The following PDE1C variants were observed in gnomAD, a reference collection of about 807,000 sequenced individuals.
PDE1C encodes the protein phosphodiesterase 1C.
PDE1C carries 62 observed loss-of-function variants against 93.1 expected under a neutral mutation model. The observed-to-expected ratio is 0.67, with a 90% CI of 0.54 to 0.82. The LOEUF is 0.82. Among genes scored for constraint, PDE1C ranks in the 40% least tolerant of loss-of-function variants. The pLI, the probability that PDE1C is intolerant of heterozygous loss-of-function variation, is 0.00. For synonymous variants in PDE1C, 325 were observed against 310.1 expected, an observed-to-expected ratio of 1.05 and a Z score of -0.50; for missense variants, 742 against 884.6, an observed-to-expected ratio of 0.84 and a Z score of 2.04.
At chr7:32,114,044 G>A (rs755951605) in intron 3 of PDE1C, among the ~76,000 whole-genome samples, 14 of 152,194 alleles carry the variant, frequency 9.2e-5, no homozygotes, top group Admixed American at 2.6e-4. Context: ...CGTGAAAATG[G>A]CCATACTATC....
rs149776948 is a variant in PDE1C, at chr7:32,242,488, C to T, written c.86-32949G>A. On this transcript the variant is annotated intron_variant, in intron 1 of 18. Coordinates refer to the PDE1C transcript ENST00000396193. ...GCAAGATCATTCGAGGTGAGGAAGT[C>T]GGTTAATGAAAAGAGAAGGGTATTG... Among the ~76,000 whole-genome samples the T allele has an allele frequency of 1.2e-3, 181 of 152,188 alleles. 1 individual carries two copies. In the Middle Eastern group the frequency reaches 0.017, roughly 14 times the overall value.
chr7:31,955,901 C>A (rs1185146096), intron 2 of PDE1C, among the ~76,000 whole-genome samples: 1 of 152,222 alleles, frequency 6.6e-6, no homozygotes, highest in East Asian at 1.9e-4. Flanking sequence ...AGAGGCAACA[C>A]AGCTTATGCT....
In PDE1C at chr7:32,350,591, T is replaced by A. The variant is rs1585121532; in HGVS notation, c.310+77231A>T. On this transcript the variant is annotated intron_variant, in intron 1 of 1. Transcript: ENST00000672256. ...ATATATATATATATATATATATATA[T>A]TTTTTTTTTTTTTTTTATTATACTC... is the stretch of plus-strand genomic sequence containing the variant. Among the ~76,000 whole-genome samples the A allele has an allele frequency of 2.6e-4, 2 of 7,662 alleles. 1 individual carries two copies. The highest frequency in any genetic ancestry group is 8.5e-3 in the East Asian group (2 of 234). The allele number at this position is 7,662 out of a possible 152,430, so 5.0% of individuals were successfully genotyped here.
intron 17 of PDE1C, among the ~76,000 whole-genome samples, chr7:31,755,152 A>G (rs1000230432): frequency 7.9e-5 from 12 of 152,210 alleles, no homozygotes; most frequent in African/African-American, 2.9e-4. Context: ...CATGTATACC[A>G]GAATTCAACA....
At chr7:31,781,132 C>T (rs1471235522) in intron 16 of PDE1C, among the ~76,000 whole-genome samples, 3 of 152,214 alleles carry the variant, frequency 2.0e-5, no homozygotes, top group Non-Finnish European at 2.9e-5. Flanking sequence ...ACTAAGGCTA[C>T]CCGCCTCAGG....
intron 1 of PDE1C, among the ~76,000 whole-genome samples, chr7:32,293,047 C>T (rs1812432815): frequency 1.3e-5 from 2 of 152,194 alleles, no homozygotes; most frequent in African/African-American, 2.4e-5. Context: ...GATCACACCA[C>T]TGATGCTCAC....
chr7:32,304,682 A>G (rs183121269), intron 1 of PDE1C, among the ~76,000 whole-genome samples: 34 of 152,256 alleles, frequency 2.2e-4, no homozygotes, highest in Non-Finnish European at 1.5e-5. Context: ...TAGCTGTGTG[A>G]TCTTAGAAAA....
Position 32,056,320 on chromosome 7 carries a change from TTCTCTCTCTCTCTCTC to T in PDE1C, c.102-4756_102-4741del, listed in dbSNP as rs10648394. On this transcript the variant is annotated intron_variant, in intron 1 of 17. Transcript: ENST00000396191. ...TCTGTTCCCTGGAATGGGTCCACCG[TTCTCTCTCTCTCTCTC>T]TCTCTCTCTCTCTCTCTCTCTCTCT... is the stretch of plus-strand genomic sequence containing the variant. Among the ~76,000 whole-genome samples, 462 of 111,118 alleles carry T rather than the reference TTCTCTCTCTCTCTCTC, an allele frequency of 4.2e-3. 6 individuals are homozygous for T. Among genetic ancestry groups the T allele is most frequent in the African/African-American group, 7.0e-3 (193 of 27,464 alleles). The allele number at this position is 111,118 out of a possible 152,430, so 72.9% of individuals were successfully genotyped here. A position where few individuals can be genotyped will look rare whatever the true frequency, so the allele number is the denominator to read the frequency against.
chr7:32,028,433 A>G (rs542065236), intron 2 of PDE1C, among the ~76,000 whole-genome samples: 1 of 152,264 alleles, frequency 6.6e-6, no homozygotes, highest in South Asian at 2.1e-4. Context: ...CCTTCAATCT[A>G]TGCAAACCAT....
In PDE1C at chr7:32,119,371, C is replaced by T. The variant is rs183453962; in HGVS notation, c.308+50414G>A. ...TCCTGTTGGTAGCTGCCAAAGGGGT[C>T]TCAGGAAAGCAACAGCTTCATGGGA... is the stretch of plus-strand genomic sequence containing the variant. On this transcript the variant is annotated intron_variant, in intron 3 of 18. Coordinates refer to the PDE1C transcript ENST00000396193. Among the ~76,000 whole-genome samples the T allele has an allele frequency of 5.9e-5, 9 of 152,290 alleles. No individual in the cohort carries two copies. The East Asian group carries it at 1.7e-3, about 29-fold the overall frequency.
At chr7:31,788,276 T>G (rs949514351) in intron 16 of PDE1C, 2 of 152,124 alleles carry the variant, frequency 1.3e-5, no homozygotes, top group Admixed American at 6.6e-5. Context: ...GGTCAAAAAT[T>G]GACATACTCT....
At chr7:31,841,840 T>C (rs924874537) in intron 9 of PDE1C, among the ~76,000 whole-genome samples, 1 of 152,026 alleles carries the variant, frequency 6.6e-6, no homozygotes, top group African/African-American at 2.4e-5. Context: ...CAAGTGGAGA[T>C]CCAGGACACC....
At chr7:31,655,089 T>C in the PDE1C span, among the ~76,000 whole-genome samples, 2 of 152,162 alleles carry the variant, frequency 1.3e-5, no homozygotes, top group Non-Finnish European at 2.9e-5. Flanking sequence ...CCCAGCTCTC[T>C]CCAGTATCCC....
intron 7 of PDE1C, among the ~76,000 whole-genome samples, chr7:31,858,181 G>A (rs1794255315): frequency 6.6e-6 from 1 of 152,118 alleles, no homozygotes; most frequent in Non-Finnish European, 1.5e-5. Flanking sequence ...AACAGAGAGT[G>A]TTTGGCTTTC....
chr7:32,084,250 A>G, intron 3 of PDE1C, among the ~76,000 whole-genome samples: 1 of 152,088 alleles, frequency 6.6e-6, no homozygotes, highest in South Asian at 2.1e-4. Flanking sequence ...CAAAGGAGAC[A>G]AAGAAGGCCA....
intron 1 of PDE1C, among the ~76,000 whole-genome samples, chr7:32,340,524 G>T (rs190909532): frequency 6.6e-6 from 1 of 152,174 alleles, no homozygotes; most frequent in Non-Finnish European, 1.5e-5. Context: ...AAACACACGC[G>T]AAGGAATTTG....
Position 32,051,545 on chromosome 7 carries a change from C to A in PDE1C, c.128+9G>T, listed in dbSNP as rs369471370. 2 of 1,613,508 alleles carry A rather than the reference C, an allele frequency of 1.2e-6. No individual in the cohort carries two copies. The highest frequency in any genetic ancestry group is 1.7e-6 in the Non-Finnish European group (2 of 1,179,502). On this transcript the variant is annotated intron_variant, in intron 2 of 17. Coordinates refer to ENST00000396191, the MANE Select transcript of PDE1C (RefSeq NM_001191057.4). ...ATCAACCAGTTGCAGCTCAGAAAGA[C>A]GTTCTTACCTCTGGGACGTTTTCTT...
intron 2 of PDE1C, among the ~76,000 whole-genome samples, chr7:32,036,402 G>A (rs1444520849): frequency 7.2e-5 from 11 of 152,056 alleles, no homozygotes; most frequent in East Asian, 1.9e-4. Flanking sequence ...AATGCCCTAC[G>A]TTTCACCTTA....
chr7:31,711,450 C>G, the PDE1C span, among the ~76,000 whole-genome samples: 2 of 152,116 alleles, frequency 1.3e-5, no homozygotes, highest in Admixed American at 1.3e-4. Context: ...CAGGAAGAAA[C>G]TCAGGTCTCT....
Sources: allele counts gnomAD v4.1 joint callset (sites outside exome capture counted in the v4.1 genomes callset), GRCh38; gene constraint gnomAD v4.1.1; transcripts MANE v1.5; gene names NCBI Gene and HGNC (gene_info 2026-07-23, HGNC 2026-07-21).